Variants in WDR7 observed in about 807,000 individuals in gnomAD.
WDR7 encodes WD repeat domain 7.
Under a neutral mutation model 169.4 loss-of-function variants are expected in WDR7, and 46 were observed. The observed-to-expected ratio is 0.27, with a 90% confidence interval of 0.21 to 0.35. The LOEUF is 0.35. Among genes scored for constraint, WDR7 ranks in the 10% least tolerant of loss-of-function variants. WDR7 has a pLI of 1.00. For missense variants in WDR7, 1,534 were observed against 1,859.3 expected (o/e 0.83, Z 3.22); for synonymous variants, 612 against 666.8 (o/e 0.92, Z 1.27).
At chr18:56,981,843 T>C (rs1444159797) in intron 26 of WDR7, among the ~76,000 whole-genome samples, 2 of 152,010 alleles carry the variant, frequency 1.3e-5, no homozygotes, top group East Asian at 1.9e-4. Flanking sequence ...AGAGAAGAGA[T>C]AGAAGAGAGT....
chr18:56,661,699 G>A (rs968899430), intron 1 of WDR7, among the ~76,000 whole-genome samples: 1 of 152,146 alleles, frequency 6.6e-6, no homozygotes, highest in African/African-American at 2.4e-5. Flanking sequence ...TGTTCAGAAG[G>A]TTGTGTCCCT....
At chr18:56,769,836 C>T (rs1469259742) in intron 16 of WDR7, among the ~76,000 whole-genome samples, 2 of 152,070 alleles carry the variant, frequency 1.3e-5, no homozygotes, top group Admixed American at 1.3e-4. Flanking sequence ...GAGAAATAAA[C>T]AGTACTTAAC....
At chr18:56,953,593 C>T (rs1273661087) in intron 25 of WDR7, among the ~76,000 whole-genome samples, 1 of 152,226 alleles carries the variant, frequency 6.6e-6, no homozygotes, top group Non-Finnish European at 1.5e-5. Flanking sequence ...CCCTAAAGGG[C>T]CTTAAAGTTG....
intron 20 of WDR7, among the ~76,000 whole-genome samples, chr18:56,858,404 A>G (rs2045754488): frequency 6.6e-6 from 1 of 152,204 alleles, no homozygotes; most frequent in African/African-American, 2.4e-5. Context: ...CTTTTAGAAT[A>G]TAATCTCCTT....
intron 10 of WDR7, 86 bp downstream of exon 10, chr18:56,694,846 A>G: frequency 6.5e-7 from 1 of 1,531,902 alleles, no homozygotes. Context: ...ATGTACATAT[A>G]TCATTTTCTT....
chr18:56,755,046 A>G (rs2043863060), intron 14 of WDR7, among the ~76,000 whole-genome samples: 1 of 151,626 alleles, frequency 6.6e-6, no homozygotes, highest in Admixed American at 6.6e-5. Flanking sequence ...GGTTTTCCCT[A>G]TATTCTCCCT....
At chr18:56,702,015 G>GA (rs2025845113) in intron 12 of WDR7, among the ~76,000 whole-genome samples, 1 of 152,180 alleles carries the variant, frequency 6.6e-6, no homozygotes, top group Non-Finnish European at 1.5e-5. Flanking sequence ...GTAGTTGTGA[G>GA]AGGTAGACTT....
chr18:56,658,308 T>A (rs763290465), intron 1 of WDR7, among the ~76,000 whole-genome samples: 3 of 152,120 alleles, frequency 2.0e-5, no homozygotes, highest in Non-Finnish European at 4.4e-5. Context: ...TTCACCATGT[T>A]GGCCTGGCTG....
intron 1 of WDR7, among the ~76,000 whole-genome samples, chr18:56,666,526 C>T (rs998469871): frequency 6.6e-6 from 1 of 152,036 alleles, no homozygotes; most frequent in Non-Finnish European, 1.5e-5. Flanking sequence ...TCTAACACCA[C>T]TTAGCCCATA....
chr18:56,806,098 TAAG>T (rs1160483946), intron 19 of WDR7, among the ~76,000 whole-genome samples: 18 of 152,218 alleles, frequency 1.2e-4, no homozygotes, highest in African/African-American at 4.3e-4. Flanking sequence ...CTTCCCATCC[TAAG>T]AAGAGCTGAT....
At chr18:56,984,466 C>G (rs538079437) in intron 26 of WDR7, among the ~76,000 whole-genome samples, 15 of 151,960 alleles carry the variant, frequency 9.9e-5, no homozygotes, top group African/African-American at 3.4e-4. Flanking sequence ...TCTTATTTAC[C>G]CTTCTAATGA....
intron 21 of WDR7, among the ~76,000 whole-genome samples, chr18:56,900,664 G>A (rs79662223): frequency 2.6e-5 from 4 of 152,092 alleles, no homozygotes; most frequent in Non-Finnish European, 4.4e-5. Flanking sequence ...GGGGAACATC[G>A]GGCTTGTAGA....
chr18:56,696,588 A>G, intron 12 of WDR7, 126 bp downstream of exon 12: 1 of 856,432 alleles, frequency 1.2e-6, no homozygotes, highest in Non-Finnish European at 1.7e-6. Context: ...AAACCCTTTC[A>G]ATTTTAAAAC....
chr18:56,966,169 C>T (rs1427164769), intron 26 of WDR7, among the ~76,000 whole-genome samples: 1 of 152,128 alleles, frequency 6.6e-6, no homozygotes, highest in Non-Finnish European at 1.5e-5. Context: ...GATTTATAAC[C>T]AAGGAGCAGG....
At chr18:56,956,019 C>T (rs1225288651) in intron 25 of WDR7, among the ~76,000 whole-genome samples, 1 of 152,142 alleles carries the variant, frequency 6.6e-6, no homozygotes, top group African/African-American at 2.4e-5. Context: ...TTGTAACATG[C>T]CAGCTACAGT....
chr18:56,743,156 A>G (rs2043645959), intron 14 of WDR7, among the ~76,000 whole-genome samples: 1 of 152,192 alleles, frequency 6.6e-6, no homozygotes, highest in Non-Finnish European at 1.5e-5. Context: ...AAGTAGCTCT[A>G]TCACGTGTGA....
intron 25 of WDR7, 122 bp from the exon 26 acceptor site, chr18:56,962,308 T>G: frequency 1.8e-6 from 1 of 545,958 alleles, no homozygotes; most frequent in South Asian, 3.6e-5. Flanking sequence ...TATGGATATA[T>G]TTATTTCAAA....
At chr18:57,009,009 A>T (rs953418272) in intron 26 of WDR7, among the ~76,000 whole-genome samples, 9 of 147,628 alleles carry the variant, frequency 6.1e-5, no homozygotes, top group Non-Finnish European at 1.2e-4. Context: ...ATTTTAATCC[A>T]CTAAGTGAAA....
chr18:56,836,350 G>A (rs542350371), intron 20 of WDR7, among the ~76,000 whole-genome samples: 2 of 152,220 alleles, frequency 1.3e-5, no homozygotes, highest in East Asian at 3.9e-4. Context: ...GACAATGTAG[G>A]GCCTCACCAG....
Sources: gnomAD v4.1 joint callset for allele counts (sites outside exome capture counted in the v4.1 genomes callset) on GRCh38, gnomAD v4.1.1 for gene constraint, MANE v1.5 for transcripts, NCBI Gene and HGNC (gene_info 2026-07-23, HGNC 2026-07-21) for gene names.